Variants in NPAS3 observed in about 807,000 individuals in gnomAD.
NPAS3 encodes the protein neuronal PAS domain-containing protein 3.
A neutral mutation model predicts 73.1 loss-of-function variants in NPAS3; 14 were observed. The ratio of observed to expected loss-of-function variants is 0.19; its 90% CI spans 0.13 to 0.30. The LOEUF (loss-of-function observed/expected upper bound fraction) is 0.30. NPAS3 is among the 10% of genes least tolerant of loss of function. The pLI, the probability that NPAS3 is intolerant of heterozygous loss-of-function variation, is 1.00. For missense variants in NPAS3, 1,096 were observed against 1,250.0 expected (o/e 0.88, Z 1.86); for synonymous variants, 620 against 541.5 (o/e 1.14, Z -2.01).
intron 3 of NPAS3, among the ~76,000 whole-genome samples, chr14:33,360,254 C>T (rs549725288): frequency 1.3e-5 from 2 of 151,330 alleles, no homozygotes; most frequent in Non-Finnish European, 3.0e-5. Flanking sequence ...AAAATCAAGA[C>T]TTTCTAGCCC....
chr14:33,332,608 C>T (rs1033759042), intron 3 of NPAS3, among the ~76,000 whole-genome samples: 2 of 152,150 alleles, frequency 1.3e-5, no homozygotes, highest in African/African-American at 4.8e-5. Flanking sequence ...TAACCACAGG[C>T]GTATGAATCT....
At chr14:33,211,279 A>T (rs1389323962) in intron 2 of NPAS3, among the ~76,000 whole-genome samples, 1 of 152,190 alleles carries the variant, frequency 6.6e-6, no homozygotes, top group Non-Finnish European at 1.5e-5. Flanking sequence ...TTCTCTTATA[A>T]GAAGAAATTA....
At chr14:33,439,226 TAGAG>T (rs1238188803) in intron 4 of NPAS3, among the ~76,000 whole-genome samples, 6 of 152,186 alleles carry the variant, frequency 3.9e-5, no homozygotes, top group East Asian at 1.9e-4. Context: ...AAAGCTATGA[TAGAG>T]AGAGACTAAG....
intron 2 of NPAS3, among the ~76,000 whole-genome samples, chr14:33,058,271 A>G (rs1319866951): frequency 1.3e-5 from 2 of 152,192 alleles, no homozygotes; most frequent in East Asian, 1.9e-4. Context: ...ACTTTTATCA[A>G]TGATGGAGTC....
intron 7 of NPAS3, among the ~76,000 whole-genome samples, chr14:33,749,974 T>G (rs188453952): frequency 1.7e-3 from 262 of 152,280 alleles, no homozygotes; most frequent in African/African-American, 6.0e-3. Flanking sequence ...AAAGAATCTT[T>G]TCTCTCTTGG....
At chr14:33,006,469 C>T (rs549543544) in intron 1 of NPAS3, among the ~76,000 whole-genome samples, 2 of 152,254 alleles carry the variant, frequency 1.3e-5, no homozygotes, top group Non-Finnish European at 2.9e-5. Context: ...AACAAATTAT[C>T]GTGCTAATTT....
At chr14:33,439,037 C>A (rs556288227) in intron 4 of NPAS3, among the ~76,000 whole-genome samples, 1 of 151,814 alleles carries the variant, frequency 6.6e-6, no homozygotes, top group African/African-American at 2.4e-5. Context: ...GTTCAATTTC[C>A]AAACTTACCC....
chr14:33,063,568 T>G (rs2138592410), intron 2 of NPAS3, among the ~76,000 whole-genome samples: 1 of 152,284 alleles, frequency 6.6e-6, no homozygotes. Flanking sequence ...CCCCCTCCAT[T>G]TTTGTAAATA....
chr14:33,569,868 T>C (rs772902569), intron 5 of NPAS3, among the ~76,000 whole-genome samples: 147 of 152,312 alleles, frequency 9.7e-4, no homozygotes, highest in Middle Eastern at 3.4e-3. Context: ...CGCAGAAATA[T>C]TTCCAGAAAA....
chr14:33,763,487 GC>G lies in NPAS3; in HGVS notation c.853-10849del, dbSNP rs551555080. Among the ~76,000 whole-genome samples, 619 of 152,252 alleles carry G rather than the reference GC, an allele frequency of 4.1e-3. 4 individuals are homozygous for G. The highest frequency in any genetic ancestry group is 0.014 in the African/African-American group (594 of 41,536). The stretch of plus-strand genomic sequence containing the variant: ...CTTAGGGTTTTGGTGATGGGTCAAG[GC>G]TTTGTACTTAAAGAGACTGGATTCA... On this transcript the variant is annotated intron_variant, in intron 7 of 11. Transcript: ENST00000356141.
At chr14:33,070,289 T>C (rs775761853) in intron 2 of NPAS3, among the ~76,000 whole-genome samples, 2 of 152,320 alleles carry the variant, frequency 1.3e-5, no homozygotes, top group South Asian at 2.1e-4. Flanking sequence ...TTTTTTTTCT[T>C]TCATGTAGTT....
chr14:33,374,057 A>G (rs745536078), intron 4 of NPAS3, among the ~76,000 whole-genome samples: 7 of 152,130 alleles, frequency 4.6e-5, no homozygotes, highest in Non-Finnish European at 1.0e-4. Context: ...CAGTTTTGTT[A>G]AGGTATGTAT....
chr14:33,372,892 A>T (rs2046152654), intron 4 of NPAS3, among the ~76,000 whole-genome samples: 1 of 152,226 alleles, frequency 6.6e-6, no homozygotes, highest in African/African-American at 2.4e-5. Context: ...CCTGGAAAGT[A>T]GATGTGATTA....
intron 4 of NPAS3, among the ~76,000 whole-genome samples, chr14:33,375,771 T>C (rs2046287867): frequency 6.6e-6 from 1 of 152,134 alleles, no homozygotes; most frequent in Admixed American, 6.5e-5. Context: ...TATTAGTAGA[T>C]TGCCTAGGTT....
At chr14:32,938,516 AG>A (rs1566779478), upstream of NPAS3, among the ~76,000 whole-genome samples, 1 of 121,616 alleles carries the variant, frequency 8.2e-6, no homozygotes, top group African/African-American at 3.4e-5. Flanking sequence ...AGAGAGAGAG[AG>A]AGAGAGAAGG....
chr14:33,097,344 C>T (rs776871897), intron 2 of NPAS3, among the ~76,000 whole-genome samples: 45 of 152,168 alleles, frequency 3.0e-4, no homozygotes, highest in Non-Finnish European at 5.1e-4. Context: ...TTGTTTTGCT[C>T]GACATTGTAA....
chr14:33,563,537 C>CAGAGAGAGAGAGAGAGAGAG (rs1286632432), intron 5 of NPAS3, among the ~76,000 whole-genome samples: 1 of 119,650 alleles, frequency 8.4e-6, no homozygotes, highest in South Asian at 2.7e-4. Context: ...CACACACACA[C>CAGAGAGAGAGAGAGAGAGAG]AGAGAGAGAG....
At chr14:33,475,004 G>C (rs1485383402) in intron 4 of NPAS3, among the ~76,000 whole-genome samples, 2 of 152,142 alleles carry the variant, frequency 1.3e-5, no homozygotes, top group African/African-American at 4.8e-5. Flanking sequence ...AATGTGATTT[G>C]TGAGTGGGTT....
intron 1 of NPAS3, among the ~76,000 whole-genome samples, chr14:32,985,009 T>A (rs943842316): frequency 6.6e-6 from 1 of 152,164 alleles, no homozygotes; most frequent in Non-Finnish European, 1.5e-5. Context: ...ATAATGTGCA[T>A]AAAAATATAC....
Sources: gnomAD v4.1 joint callset for allele counts (sites outside exome capture counted in the v4.1 genomes callset) on GRCh38, gnomAD v4.1.1 for gene constraint, MANE v1.5 for transcripts, NCBI Gene and HGNC (gene_info 2026-07-23, HGNC 2026-07-21) for gene names.